Variants in IFNGR2 observed in about 807,000 individuals in gnomAD.
IFNGR2 encodes interferon gamma receptor 2, also known as IFN-gamma receptor 2.
IFNGR2 carries 15 observed loss-of-function variants against 41.1 expected under a neutral mutation model. That is an observed-to-expected ratio of 0.37 (90% CI 0.24 to 0.56). The LOEUF (loss-of-function observed/expected upper bound fraction) is 0.56. IFNGR2 is among the 20% of genes least tolerant of loss of function. IFNGR2 has a pLI of 0.81. For missense variants in IFNGR2, 362 were observed against 415.7 expected (o/e 0.87, Z 1.12); for synonymous variants, 161 against 171.6 (o/e 0.94, Z 0.48).
At position 33,432,209 on chromosome 21, in the gene IFNGR2, A is replaced by G. The variant is rs774609247; in HGVS notation, c.594A>G (p.Ser198=). The change falls in exon 5 of 7, where the codon TCA becomes TCG. Residue 198 remains serine (S), a synonymous_variant. Coordinates refer to ENST00000290219, the MANE Select transcript of IFNGR2 (RefSeq NM_005534.4). ...VKGPFRSNSI[S]LDNLKPSRVY... is the part of the protein sequence containing the mutation. ...GCCCTTTCAGAAGCAACTCCATTTC[A>G]TTGGATAACTTAAAACCCTCCAGAG... The G allele has an allele frequency of 4.3e-6, 7 of 1,614,174 alleles. No individual in the cohort carries two copies.
rs35138843 is a variant in IFNGR2, at chr21:33,406,648, C to CTTT, written c.73+3047_73+3049dup. On this transcript the variant is annotated intron_variant, in intron 1 of 6. Coordinates refer to ENST00000290219, the MANE Select transcript of IFNGR2 (RefSeq NM_005534.4). ...CAGAGAAAAAAAAAAGTGTTGGAAA[C>CTTT]TTTTTTTTTTTTTTTTTGAGATAGT... Among the ~76,000 whole-genome samples the CTTT allele has an allele frequency of 2.3e-4, 30 of 131,862 alleles. 1 individual carries two copies. Among genetic ancestry groups the CTTT allele is most frequent in the African/African-American group, 7.4e-4 (26 of 35,230 alleles). The allele number at this position is 131,862 out of a possible 152,430, so 86.5% of individuals were successfully genotyped here.
At chr21:33,434,097 G>A (rs992151797) in intron 6 of IFNGR2, among the ~76,000 whole-genome samples, 1 of 152,180 alleles carries the variant, frequency 6.6e-6, no homozygotes, top group Non-Finnish European at 1.5e-5. Context: ...GAACAGTAGC[G>A]TGGGTCTTGT....
Position 33,403,634 on chromosome 21 carries a change from C to T in IFNGR2, c.73+18C>T, listed in dbSNP as rs2083657036. 2 of 1,315,592 alleles carry T rather than the reference C, an allele frequency of 1.5e-6. No individual in the cohort carries two copies. Among genetic ancestry groups the T allele is most frequent in the Non-Finnish European group, 1.9e-6 (2 of 1,035,740 alleles). The allele number at this position is 1,315,592 out of a possible 1,614,324, so 81.5% of individuals were successfully genotyped here. The stretch of plus-strand genomic sequence containing the variant: ...CCCGCCAGGTGAGCCGGGCCTGGGC[C>T]TCCGCGGCGGGACGCGGGCGCAGCC... On this transcript the variant is annotated intron_variant, in intron 1 of 6. Coordinates refer to ENST00000290219, the MANE Select transcript of IFNGR2 (RefSeq NM_005534.4).
At position 33,436,851 on chromosome 21, in the gene IFNGR2, C is replaced by A; in HGVS notation, c.903C>A (p.Pro301=). 1 of 1,614,086 alleles carries A rather than the reference C, an allele frequency of 6.2e-7. No homozygotes were observed. Among genetic ancestry groups the A allele is most frequent in the South Asian group, 1.1e-5 (1 of 91,088 alleles). The change falls in exon 7 of 7, where the codon CCC becomes CCA. Residue 301 remains proline (P), a synonymous_variant. Coordinates refer to ENST00000290219, the MANE Select transcript of IFNGR2 (RefSeq NM_005534.4). The part of the protein sequence containing the change: ...IEEYLKDPTQ[P]ILEALDKDSS... ...AGTATTTAAAAGACCCAACTCAGCC[C>A]ATCTTAGAGGCCTTGGACAAGGACA...
chr21:33,415,647 T>G (rs1000340386), intron 2 of IFNGR2, among the ~76,000 whole-genome samples: 24 of 152,232 alleles, frequency 1.6e-4, no homozygotes, highest in African/African-American at 5.1e-4. Flanking sequence ...ATTGGCTAAG[T>G]CATTTTGTAC....
chr21:33,417,846 C>T lies in IFNGR2; in HGVS notation c.206+2826C>T, dbSNP rs560522675. Among the ~76,000 whole-genome samples, 53 of 151,314 alleles carry T rather than the reference C, an allele frequency of 3.5e-4. 1 individual carries two copies. The highest frequency in any genetic ancestry group is 2.7e-3 in the South Asian group (13 of 4,774). ...CTCCTTGGCCTTGAACAAGGAAGTACGTTTACTGATTTTCAGAGGAGATGC... is the reference window on the plus strand; with the variant it reads ...CTCCTTGGCCTTGAACAAGGAAGTATGTTTACTGATTTTCAGAGGAGATGC... On this transcript the variant is annotated intron_variant, in intron 2 of 6. Transcript: ENST00000290219.
intron 2 of IFNGR2, among the ~76,000 whole-genome samples, chr21:33,416,479 A>G (rs1480593560): frequency 6.6e-6 from 1 of 152,154 alleles, no homozygotes; most frequent in Non-Finnish European, 1.5e-5. Context: ...GTATGTATTT[A>G]TTGTCAAGAA....
chr21:33,429,703 C>T (rs747395332), intron 4 of IFNGR2, among the ~76,000 whole-genome samples: 10 of 152,146 alleles, frequency 6.6e-5, no homozygotes, highest in Non-Finnish European at 1.3e-4. Flanking sequence ...TGGCCACATA[C>T]GCACCCTCTG....
intron 6 of IFNGR2, among the ~76,000 whole-genome samples, chr21:33,436,418 C>T (rs2123383027): frequency 6.6e-6 from 1 of 151,900 alleles, no homozygotes; most frequent in Non-Finnish European, 1.5e-5. Context: ...AATAAAATAA[C>T]TATACCAATT....
At chr21:33,416,694 C>T (rs376935257) in intron 2 of IFNGR2, among the ~76,000 whole-genome samples, 4 of 151,094 alleles carry the variant, frequency 2.6e-5, no homozygotes, top group East Asian at 2.0e-4. Flanking sequence ...TAGTGGCGGG[C>T]GCCTGTAGTC....
At chr21:33,404,480 C>T (rs1342493656) in intron 1 of IFNGR2, among the ~76,000 whole-genome samples, 1 of 152,114 alleles carries the variant, frequency 6.6e-6, no homozygotes, top group Non-Finnish European at 1.5e-5. Context: ...CTCTGTCGCC[C>T]AGGCTGGAGT....
intron 3 of IFNGR2, among the ~76,000 whole-genome samples, chr21:33,425,027 AG>A (rs2083824493): frequency 6.6e-6 from 1 of 152,176 alleles, no homozygotes; most frequent in South Asian, 2.1e-4. Flanking sequence ...CTCCTGCCTC[AG>A]CCTCCTGAGT....
At chr21:33,414,724 G>A (rs931642483) in intron 1 of IFNGR2, among the ~76,000 whole-genome samples, 164 bp from the exon 2 acceptor site, 1 of 152,220 alleles carries the variant, frequency 6.6e-6, no homozygotes, top group Admixed American at 6.5e-5. Context: ...CCAAAAGTCG[G>A]GGGTGTGGGG....
intron 2 of IFNGR2, among the ~76,000 whole-genome samples, chr21:33,418,328 T>C (rs2083767791): frequency 6.6e-6 from 1 of 152,176 alleles, no homozygotes; most frequent in Non-Finnish European, 1.5e-5. Context: ...AGTGCTGGAA[T>C]TATAGGTGTA....
At chr21:33,425,852 G>T (rs1245950473) in intron 3 of IFNGR2, among the ~76,000 whole-genome samples, 1 of 152,214 alleles carries the variant, frequency 6.6e-6, no homozygotes, top group Non-Finnish European at 1.5e-5. Flanking sequence ...CCAGGGGAGA[G>T]AATCCAGCCC....
chr21:33,432,519 T>C, intron 5 of IFNGR2, 183 bp downstream of exon 5: 2 of 832,944 alleles, frequency 2.4e-6, no homozygotes, highest in Admixed American at 2.0e-5. Context: ...ACCAGACAGC[T>C]ACCACTTGCT....
intron 4 of IFNGR2, among the ~76,000 whole-genome samples, chr21:33,428,794 T>C (rs2083861733): frequency 6.6e-6 from 1 of 152,220 alleles, no homozygotes; most frequent in East Asian, 1.9e-4. Context: ...GGTTGCTTTC[T>C]TCACTCGAGG....
Position 33,436,741 on chromosome 21 carries a change from A to T in IFNGR2, c.880-87A>T, listed in dbSNP as rs2083956995. The T allele has an allele frequency of 5.2e-5, 57 of 1,104,686 alleles. No individual in the cohort carries two copies. The East Asian group carries it at 1.5e-3, about 29-fold the overall frequency. The allele number at this position is 1,104,686 out of a possible 1,614,324, so 68.4% of individuals were successfully genotyped here. On this transcript the variant is annotated intron_variant, in intron 6 of 6. Transcript: ENST00000290219. ...TCTCAAAAAAAAAATAAAAATAAAA[A>T]TAAAATAAAAACAAAAACTAAAGTT...
chr21:33,404,800 A>G (rs1428224539), intron 1 of IFNGR2, among the ~76,000 whole-genome samples: 2 of 152,180 alleles, frequency 1.3e-5, no homozygotes, highest in African/African-American at 4.8e-5. Flanking sequence ...TTAACCTCTG[A>G]CACCAGCTGA....
Sources: allele counts gnomAD v4.1 joint callset (sites outside exome capture counted in the v4.1 genomes callset), GRCh38; gene constraint gnomAD v4.1.1; transcripts MANE v1.5; gene names NCBI Gene and HGNC (gene_info 2026-07-23, HGNC 2026-07-21).